PDZRN4: variants seen among roughly 807,000 people sequenced by gnomAD.
PDZRN4 encodes the protein PDZ domain-containing RING finger protein 4.
Under a neutral mutation model 99.0 loss-of-function variants are expected in PDZRN4, and 70 were observed. The observed-to-expected ratio is 0.71, with a 90% CI of 0.58 to 0.86. PDZRN4 has a LOEUF of 0.86. PDZRN4 is among the 40% of genes least tolerant of loss of function. The pLI, the probability that PDZRN4 is intolerant of heterozygous loss-of-function variation, is 0.00. For missense variants in PDZRN4, 1,474 were observed against 1,331.2 expected (o/e 1.11, Z -1.67); for synonymous variants, 551 against 501.6 (o/e 1.10, Z -1.32).
chr12:41,254,844 C>T (rs936584624), intron 3 of PDZRN4, among the ~76,000 whole-genome samples: 1 of 152,152 alleles, frequency 6.6e-6, no homozygotes, highest in Non-Finnish European at 1.5e-5. Context: ...GTAATTCCAA[C>T]ATTTTGGGAA....
chr12:41,199,855 A>T (rs11831544), intron 3 of PDZRN4, among the ~76,000 whole-genome samples: 1 of 152,028 alleles, frequency 6.6e-6, no homozygotes, highest in East Asian at 1.9e-4. Context: ...GATGTTGAAG[A>T]TGTGGAAGGG....
At chr12:41,383,943 A>G (rs1378151219) in intron 3 of PDZRN4, among the ~76,000 whole-genome samples, 1 of 146,602 alleles carries the variant, frequency 6.8e-6, no homozygotes, top group African/African-American at 2.6e-5. Flanking sequence ...GAATTTTAAC[A>G]TGGTAATATC....
At chr12:41,447,126 T>TCA (rs1952735849) in intron 3 of PDZRN4, among the ~76,000 whole-genome samples, 3 of 152,086 alleles carry the variant, frequency 2.0e-5, no homozygotes, top group Admixed American at 2.0e-4. Context: ...GAGTCTTCAG[T>TCA]CAATTTTAAT....
At chr12:41,270,749 A>G (rs1951309984) in intron 3 of PDZRN4, among the ~76,000 whole-genome samples, 1 of 152,162 alleles carries the variant, frequency 6.6e-6, no homozygotes, top group African/African-American at 2.4e-5. Context: ...TGCAGATTAC[A>G]TGCAAAATTT....
intron 5 of PDZRN4, among the ~76,000 whole-genome samples, chr12:41,548,905 A>C (rs1424495197): frequency 6.6e-6 from 1 of 152,206 alleles, no homozygotes; most frequent in Non-Finnish European, 1.5e-5. Context: ...AACAAACTCT[A>C]ATCTTCTACT....
rs961433142 is a variant in PDZRN4, at chr12:41,424,828, T to TGA, written c.844-81626_844-81625dup. 7.9e-5 allele frequency among the ~76,000 whole-genome samples: 12 copies of TGA among 152,138 alleles called. No individual in the cohort carries two copies. In the South Asian group the frequency reaches 8.3e-4, roughly 11 times the overall value. The stretch of plus-strand genomic sequence containing the variant: ...GTGGCTTATGCTTACAAGCCTGGAG[T>TGA]GAGTGGAGAGAAAGACTGAGAGCAG... On this transcript the variant is annotated intron_variant, in intron 3 of 9. Coordinates refer to ENST00000402685, the MANE Select transcript of PDZRN4 (RefSeq NM_001164595.2).
intron 3 of PDZRN4, among the ~76,000 whole-genome samples, chr12:41,218,738 T>C (rs1036227671): frequency 1.3e-5 from 2 of 152,144 alleles, no homozygotes; most frequent in Admixed American, 1.3e-4. Flanking sequence ...TTAAAGTATG[T>C]TCAAATATTT....
intron 3 of PDZRN4, among the ~76,000 whole-genome samples, chr12:41,276,624 G>T (rs1951351646): frequency 6.6e-6 from 1 of 151,986 alleles, no homozygotes; most frequent in South Asian, 2.1e-4. Flanking sequence ...AAATTTATGA[G>T]AAATTCTTTG....
At position 41,321,112 on chromosome 12, in the gene PDZRN4, C is replaced by A. The variant is rs147402583; in HGVS notation, c.843+126924C>A. Among the ~76,000 whole-genome samples the A allele has an allele frequency of 1.7e-3, 265 of 152,100 alleles. 1 individual carries two copies. The highest frequency in any genetic ancestry group is 5.8e-3 in the African/African-American group (241 of 41,510). ...AAATTTTTCTTACATACTGGGAAAC[C>A]TAATAGTGAACTAAACAAAAACTTC... On this transcript the variant is annotated intron_variant, in intron 3 of 9. Transcript: ENST00000402685.
chr12:41,188,822 G>C lies in PDZRN4; in HGVS notation c.367G>C (p.Gly123Arg), dbSNP rs895128325. The change falls in exon 1 of 10, where the codon GGC becomes CGC. Residue 123 changes from glycine (G) to arginine (R), a missense_variant. Gly to Arg is a moderately radical substitution (Grantham distance 125, BLOSUM62 -2). Transcript: ENST00000402685. ...CCGCGGGGGCTGCGCTTCGGGGCTG[G>C]GCGGTGGTGAGGTGCCCGCGCGGGG... is the stretch of plus-strand genomic sequence containing the variant. The part of the protein sequence containing the change: ...RSRGGCASGL[G>R]GGEVPARGGC... 60 of 1,323,720 alleles carry C rather than the reference G, an allele frequency of 4.5e-5. No individual in the cohort carries two copies. In the African/African-American group the frequency reaches 7.9e-4, roughly 17 times the overall value. The allele number at this position is 1,323,720 out of a possible 1,614,324, so 82.0% of individuals were successfully genotyped here. A position where few individuals can be genotyped will look rare whatever the true frequency, so the allele number is the denominator to read the frequency against.
At chr12:41,497,748 C>T (rs556169725) in intron 3 of PDZRN4, among the ~76,000 whole-genome samples, 5 of 152,010 alleles carry the variant, frequency 3.3e-5, no homozygotes, top group Non-Finnish European at 7.4e-5. Context: ...GTTGGTGACA[C>T]AAATCTGTGT....
In PDZRN4 at chr12:41,474,216, C is replaced by T. The variant is rs116528006; in HGVS notation, c.844-32240C>T. 4.7e-3 allele frequency among the ~76,000 whole-genome samples: 723 copies of T among 152,312 alleles called. 4 individuals are homozygous for T. The highest frequency in any genetic ancestry group is 0.016 in the African/African-American group (671 of 41,562). The stretch of plus-strand genomic sequence containing the variant: ...GCCACCACATACTGAGTATGTACTA[C>T]GTGTCAGACACTGACATATGACTTC... On this transcript the variant is annotated intron_variant, in intron 3 of 9. Coordinates refer to ENST00000402685, the MANE Select transcript of PDZRN4 (RefSeq NM_001164595.2).
intron 3 of PDZRN4, among the ~76,000 whole-genome samples, chr12:41,359,912 C>T (rs1407138482): frequency 6.6e-6 from 1 of 151,994 alleles, no homozygotes; most frequent in Non-Finnish European, 1.5e-5. Context: ...AAAATCATTT[C>T]TAAGAAGCAG....
chr12:41,569,981 C>A (rs896936969), intron 9 of PDZRN4, among the ~76,000 whole-genome samples: 1 of 150,836 alleles, frequency 6.6e-6, no homozygotes, highest in Admixed American at 6.6e-5. Flanking sequence ...TTGCTCCAGG[C>A]TTTTTTTTTC....
chr12:41,256,644 G>T (rs1346285651), intron 3 of PDZRN4, among the ~76,000 whole-genome samples: 3 of 152,114 alleles, frequency 2.0e-5, no homozygotes, highest in African/African-American at 4.8e-5. Context: ...ATAGTATCTT[G>T]CCATAGCTGA....
At chr12:41,446,422 C>T (rs1485275788) in intron 3 of PDZRN4, among the ~76,000 whole-genome samples, 1 of 151,700 alleles carries the variant, frequency 6.6e-6, no homozygotes, top group Non-Finnish European at 1.5e-5. Context: ...TTCCAAACTA[C>T]TTAGTATGGT....
At chr12:41,405,164 A>C (rs968895648) in intron 3 of PDZRN4, among the ~76,000 whole-genome samples, 1 of 152,124 alleles carries the variant, frequency 6.6e-6, no homozygotes, top group Non-Finnish European at 1.5e-5. Context: ...CAGTAAACAG[A>C]CAACCTACAG....
At chr12:41,419,491 A>T (rs1952472793) in intron 3 of PDZRN4, among the ~76,000 whole-genome samples, 1 of 152,170 alleles carries the variant, frequency 6.6e-6, no homozygotes, top group East Asian at 1.9e-4. Context: ...CTTCTCTACC[A>T]GACAGTAAGG....
At chr12:41,259,387 G>A (rs950439021) in intron 3 of PDZRN4, among the ~76,000 whole-genome samples, 7 of 152,106 alleles carry the variant, frequency 4.6e-5, no homozygotes, top group African/African-American at 9.7e-5. Flanking sequence ...ACATGCTTAC[G>A]TATTTGCTCA....
Sources: gnomAD v4.1 joint callset for allele counts (sites outside exome capture counted in the v4.1 genomes callset) on GRCh38, gnomAD v4.1.1 for gene constraint, MANE v1.5 for transcripts, NCBI Gene and HGNC (gene_info 2026-07-23, HGNC 2026-07-21) for gene names.